ACTA2: variants seen among roughly 807,000 people sequenced by gnomAD.
ACTA2 encodes the protein actin, aortic smooth muscle.
ACTA2 carries 12 observed loss-of-function variants against 39.5 expected under a neutral mutation model. The observed-to-expected ratio is 0.30, with a 90% CI of 0.19 to 0.49. The LOEUF is 0.49. Among genes scored for constraint, ACTA2 ranks in the 20% least tolerant of loss-of-function variants. The pLI, the probability that ACTA2 is intolerant of heterozygous loss-of-function variation, is 0.99. For synonymous variants in ACTA2, 158 were observed against 180.6 expected, an observed-to-expected ratio of 0.88 and a Z score of 1.00; for missense variants, 236 against 498.8, an observed-to-expected ratio of 0.47 and a Z score of 5.02.
chr10:88,956,454 T>C (rs1019750195), upstream of ACTA2, among the ~76,000 whole-genome samples: 1 of 152,210 alleles, frequency 6.6e-6, no homozygotes, highest in African/African-American at 2.4e-5. Flanking sequence ...GTGAATATAT[T>C]GGGCTCTAAT....
chr10:88,952,992 G>T (rs934707676), upstream of ACTA2, among the ~76,000 whole-genome samples: 1 of 152,210 alleles, frequency 6.6e-6, no homozygotes, highest in Non-Finnish European at 1.5e-5. Flanking sequence ...CGGTTCAGCC[G>T]CCTGTGGGAG....
Position 88,935,100 on chromosome 10 carries a change from T to TA in ACTA2, c.*122dup. The TA allele has an allele frequency of 2.1e-6, 3 of 1,407,418 alleles. No individual in the cohort carries two copies. Among genetic ancestry groups the TA allele is most frequent in the South Asian group, 1.2e-5 (1 of 80,544 alleles). 87.2% of individuals were successfully genotyped at this position (1,407,418 alleles called of 1,614,324 possible). A position where few individuals can be genotyped will look rare whatever the true frequency, so the allele number is the denominator to read the frequency against. ...TACCAGTAGCCTATTTCAGATTTAT[T>TA]AAAAAACACATAGGTAACGAGTCAG... is the stretch of plus-strand genomic sequence containing the variant. On this transcript the variant is annotated 3_prime_UTR_variant, in exon 9 of 9. Transcript: ENST00000224784.
intron 1 of ACTA2, among the ~76,000 whole-genome samples, chr10:88,987,735 C>G (rs559074332): frequency 6.6e-6 from 1 of 152,318 alleles, no homozygotes; most frequent in Admixed American, 6.5e-5. Flanking sequence ...TACCCAAGCC[C>G]TGGGATTGGT....
intron 1 of ACTA2, among the ~76,000 whole-genome samples, chr10:88,976,619 A>G (rs972436791): frequency 2.0e-5 from 3 of 152,236 alleles, no homozygotes; most frequent in Non-Finnish European, 4.4e-5. Flanking sequence ...TGTACCCTGA[A>G]CATAATCAGC....
intron 8 of ACTA2, among the ~76,000 whole-genome samples, chr10:88,936,367 A>C (rs897768188): frequency 1.3e-5 from 2 of 152,188 alleles, no homozygotes; most frequent in Non-Finnish European, 2.9e-5. Context: ...TAAAGAATTT[A>C]GTATAGTTTG....
exon 1 of ACTA2, chr10:88,991,313 A>G (rs1217770976): frequency 2.8e-6 from 1 of 357,956 alleles, no homozygotes; most frequent in East Asian, 5.4e-5. Flanking sequence ...ACTCCTGGAC[A>G]AGCCCTGACA....
At chr10:88,981,424 C>G (rs988805193) in intron 1 of ACTA2, among the ~76,000 whole-genome samples, 1 of 151,352 alleles carries the variant, frequency 6.6e-6, no homozygotes, top group African/African-American at 2.4e-5. Context: ...TATCTTCCAT[C>G]GTCGTGATTT....
chr10:88,990,894 C>G lies in ACTA2; in HGVS notation c.-24+45G>C. 6.2e-7 allele frequency: 1 copy of G among 1,614,230 alleles called. No homozygotes were observed. The highest frequency in any genetic ancestry group is 1.3e-5 in the African/African-American group (1 of 75,070). Reference sequence around the variant, plus strand: ...CAACAACCATGCTGGGCATCTGGACCCTCCTACCTCTGGTGAGCCCTCTCC... The same window carrying G: ...CAACAACCATGCTGGGCATCTGGACGCTCCTACCTCTGGTGAGCCCTCTCC... On this transcript the variant is annotated intron_variant, in intron 1 of 4. Coordinates refer to the ACTA2 transcript ENST00000415557. This position sits in a 1 kb window ranked among gnomAD's most constrained non-coding sequence, Gnocchi z 4.9.
chr10:88,989,986 G>T lies in ACTA2; in HGVS notation c.-24+953C>A, dbSNP rs926415035. ...GAACAGTGTTCACCAGAGCACGAAA[G>T]AATTACAAGATTTTTTTTTAAAGAA... On this transcript the variant is annotated intron_variant, in intron 1 of 4. Transcript: ENST00000415557. 2.6e-5 allele frequency among the ~76,000 whole-genome samples: 4 copies of T among 152,260 alleles called. No homozygotes were observed. The East Asian group carries it at 7.7e-4, about 29-fold the overall frequency.
At position 88,939,927 on chromosome 10, in the gene ACTA2, G is replaced by A. The variant is rs982749243; in HGVS notation, c.617-229C>T. On this transcript the variant is annotated intron_variant, in intron 6 of 8. Transcript: ENST00000224784. ...GCATAGTAGGCCCTCAGCATGCATTGTCTGGGAAATGCATAACAAGAATAA... is the reference window on the plus strand; with the variant it reads ...GCATAGTAGGCCCTCAGCATGCATTATCTGGGAAATGCATAACAAGAATAA... 29 of 567,318 alleles carry A rather than the reference G, an allele frequency of 5.1e-5. No homozygotes were observed. In the African/African-American group the frequency reaches 5.3e-4, roughly 10 times the overall value. 35.1% of individuals were successfully genotyped at this position (567,318 alleles called of 1,614,324 possible).
intron 1 of ACTA2, among the ~76,000 whole-genome samples, chr10:88,976,175 TACACTA>T (rs1846558186): frequency 1.3e-5 from 2 of 152,036 alleles, no homozygotes; most frequent in Non-Finnish European, 2.9e-5. Flanking sequence ...ACACATAAAA[TACACTA>T]ACACTAACTA....
intron 1 of ACTA2, among the ~76,000 whole-genome samples, chr10:88,951,950 C>T (rs1289367312): frequency 6.6e-6 from 1 of 152,218 alleles, no homozygotes; most frequent in East Asian, 1.9e-4. Context: ...CACAGTCACA[C>T]TTGCCTCACC....
chr10:88,969,492 C>T (rs1846384450), intron 1 of ACTA2, among the ~76,000 whole-genome samples: 1 of 152,188 alleles, frequency 6.6e-6, no homozygotes, highest in Admixed American at 6.5e-5. Context: ...AGGAGACTTT[C>T]AGAGCTTTAG....
At chr10:88,941,066 A>G (rs116843737) in intron 6 of ACTA2, 163 bp downstream of exon 6, 2 of 879,798 alleles carry the variant, frequency 2.3e-6, no homozygotes, top group Non-Finnish European at 1.8e-6. Flanking sequence ...TCATTTTGCA[A>G]CTTCACACAG....
chr10:88,976,217 G>A (rs1406115401), intron 1 of ACTA2, among the ~76,000 whole-genome samples: 1 of 151,932 alleles, frequency 6.6e-6, no homozygotes, highest in Non-Finnish European at 1.5e-5. Context: ...AAAAAAAATC[G>A]CCAAAAATCT....
At chr10:88,949,330 G>A (rs1383326785) in intron 1 of ACTA2, among the ~76,000 whole-genome samples, 1 of 152,116 alleles carries the variant, frequency 6.6e-6, no homozygotes, top group African/African-American at 2.4e-5. Context: ...CCTACCTTAT[G>A]TTAAAGAAGC....
chr10:88,972,198 C>T (rs545324085), intron 1 of ACTA2, among the ~76,000 whole-genome samples: 87 of 152,276 alleles, frequency 5.7e-4, no homozygotes, highest in Middle Eastern at 6.8e-3. Flanking sequence ...TGAGCCACCA[C>T]GCCCAGCCAG....
chr10:88,952,195 C>A (rs1057268813), intron 1 of ACTA2, among the ~76,000 whole-genome samples: 1 of 152,170 alleles, frequency 6.6e-6, no homozygotes, highest in Non-Finnish European at 1.5e-5. Context: ...AAGACACTAC[C>A]AGTTAGAGCC....
In ACTA2 at chr10:88,947,465, G is replaced by T. The variant is rs1478442946; in HGVS notation, c.130-79C>A. The T allele has an allele frequency of 3.1e-6, 5 of 1,591,818 alleles. No homozygotes were observed. The African/African-American group carries it at 5.4e-5, about 17-fold the overall frequency. The stretch of plus-strand genomic sequence containing the variant: ...TTACAGCCAAGCCACAAAAGGTTAA[G>T]TCATTGAGATGGGAAGTTCCTCTTC... On this transcript the variant is annotated intron_variant, in intron 2 of 8. Transcript: ENST00000224784.
Sources: allele counts gnomAD v4.1 joint callset (sites outside exome capture counted in the v4.1 genomes callset), GRCh38; gene constraint gnomAD v4.1.1; non-coding constraint Gnocchi (gnomAD v3.1); transcripts MANE v1.5; gene names NCBI Gene and HGNC (gene_info 2026-07-23, HGNC 2026-07-21).